Variants in POLR3F observed in about 807,000 individuals in gnomAD.
The protein encoded by POLR3F is DNA-directed RNA polymerase III subunit RPC6.
Under a neutral mutation model 43.6 loss-of-function variants are expected in POLR3F, and 31 were observed. The ratio of observed to expected loss-of-function variants is 0.71; its 90% CI spans 0.53 to 0.96. The LOEUF (loss-of-function observed/expected upper bound fraction) is 0.96, where lower values mean the gene tolerates loss of function less well. POLR3F is among the 40% of genes least tolerant of loss of function. The probability of loss-of-function intolerance (pLI) is 0.00; values close to 1 mark genes in which losing one functional copy is unlikely to be tolerated. For missense variants in POLR3F, 316 were observed against 391.7 expected, an observed-to-expected ratio of 0.81 and a Z score of 1.63; for synonymous variants, 114 against 132.5, an observed-to-expected ratio of 0.86 and a Z score of 0.96.
chr20:18,484,530 A>G lies in POLR3F; in HGVS notation c.*972A>G, dbSNP rs989609171. ...TTCTGCCATGTGAAAGGGAGAAGAC[A>G]AACATCCACGAACCAGGAAGTGGGT... On this transcript the variant is annotated 3_prime_UTR_variant, in exon 9 of 9. Transcript: ENST00000377603. 1.2e-5 allele frequency: 2 copies of G among 169,016 alleles called. No homozygotes were observed. Among genetic ancestry groups the G allele is most frequent in the Non-Finnish European group, 2.5e-5 (2 of 79,554 alleles). The allele number at this position is 169,016 out of a possible 1,614,324, so 10.5% of individuals were successfully genotyped here.
In POLR3F at chr20:18,481,741, A is replaced by T. The variant is rs1568582302; in HGVS notation, c.804A>T (p.Lys268Asn). 2 of 1,613,266 alleles carry T rather than the reference A, an allele frequency of 1.2e-6. No homozygotes were observed. Among genetic ancestry groups the T allele is most frequent in the African/African-American group, 2.7e-5 (2 of 74,882 alleles). The change falls in exon 8 of 9, where the codon AAA (lysine) becomes AAT (asparagine). Residue 268 changes from lysine to asparagine, a missense_variant. Around this residue, in one of 3 missense-constraint regions of POLR3F, gnomAD observed 85 missense variants for 80.2 expected, o/e 1.06. Coordinates refer to ENST00000377603, the MANE Select transcript of POLR3F (RefSeq NM_006466.4). The part of the protein sequence containing the change: ...GTVGSVDGHM[K>N]LYRAVNPIIP... ...TTGGCAGTGTAGATGGACACATGAA[A>T]CTGTACAGGGCAGTCAATCCAATCA... is the stretch of plus-strand genomic sequence containing the variant.
chr20:18,484,303 G>T lies in POLR3F; in HGVS notation c.*745G>T. ...TTTAACTCAAATGTATTCTTTGTTA[G>T]AATTTACCCTAGATTCTTATTTAAT... On this transcript the variant is annotated 3_prime_UTR_variant, in exon 9 of 9. Coordinates refer to ENST00000377603, the MANE Select transcript of POLR3F (RefSeq NM_006466.4). The T allele has an allele frequency of 2.5e-6, 1 of 395,158 alleles. No homozygotes were observed. Among genetic ancestry groups the T allele is most frequent in the South Asian group, 1.4e-4 (1 of 7,094 alleles). The allele number at this position is 395,158 out of a possible 1,614,324, so 24.5% of individuals were successfully genotyped here. A position where few individuals can be genotyped will look rare whatever the true frequency, so the allele number is the denominator to read the frequency against.
Position 18,475,162 on chromosome 20 carries a change from T to G in POLR3F, c.404T>G (p.Leu135Arg). 1 of 1,485,012 alleles carries G rather than the reference T, an allele frequency of 6.7e-7. No homozygotes were observed. The highest frequency in any genetic ancestry group is 9.4e-7 in the Non-Finnish European group (1 of 1,063,958). 92.0% of individuals were successfully genotyped at this position (1,485,012 alleles called of 1,614,324 possible). Residue 135 changes from leucine to arginine, a missense_variant, in exon 5 of 9, where the codon CTT (leucine) becomes CGT (arginine). By Grantham distance (102) the Leu-to-Arg change is moderately radical (BLOSUM62 -2). Coordinates refer to ENST00000377603, the MANE Select transcript of POLR3F (RefSeq NM_006466.4). The stretch of plus-strand genomic sequence containing the variant: ...CTGAAGAATCTGGAAAGTAAAAAGC[T>G]TATCAAAGCTGTTAAGTCTGTAGCA... ...KILKNLESKKLIKAVKSVAAS... is the reference protein window; with the variant it reads ...KILKNLESKKRIKAVKSVAAS...
At chr20:18,479,178 A>C (rs1292063913) in intron 5 of POLR3F, among the ~76,000 whole-genome samples, 1 of 151,802 alleles carries the variant, frequency 6.6e-6, no homozygotes, top group African/African-American at 2.4e-5. Context: ...TGCTCTTGAC[A>C]TCTTGTAGTG....
chr20:18,479,965 C>G (rs928720291), intron 5 of POLR3F, 73 bp from the exon 6 acceptor site: 1 of 1,118,266 alleles, frequency 8.9e-7, no homozygotes, highest in Non-Finnish European at 1.3e-6. Context: ...TTAAACTGTT[C>G]CAAAATATAG....
intron 1 of POLR3F, among the ~76,000 whole-genome samples, chr20:18,468,612 GGCTTAACTTTGTCAT>G (rs544973383): frequency 4.7e-4 from 72 of 152,126 alleles, no homozygotes; most frequent in Non-Finnish European, 9.1e-4. Flanking sequence ...GCAGATTTAT[GGCTTAACTTTGTCAT>G]GCTTATTACA....
intron 8 of POLR3F, among the ~76,000 whole-genome samples, chr20:18,482,869 C>T (rs2059817793): frequency 6.6e-6 from 1 of 152,186 alleles, no homozygotes; most frequent in African/African-American, 2.4e-5. Flanking sequence ...GGTAGCTAAA[C>T]ATGAAACATT....
intron 2 of POLR3F, among the ~76,000 whole-genome samples, chr20:18,469,778 T>C (rs1161061352): frequency 4.6e-5 from 7 of 152,236 alleles, no homozygotes; most frequent in Non-Finnish European, 5.9e-5. Context: ...TAATTGCCAC[T>C]GCCATACATA....
chr20:18,480,930 T>C (rs2059806481), intron 7 of POLR3F, among the ~76,000 whole-genome samples: 1 of 152,236 alleles, frequency 6.6e-6, no homozygotes, highest in Non-Finnish European at 1.5e-5. Flanking sequence ...TTTAATTTCC[T>C]GGGCCTCAGA....
intron 5 of POLR3F, 25 bp from the exon 6 acceptor site, chr20:18,480,013 A>G (rs775861997): frequency 5.1e-6 from 8 of 1,561,698 alleles, no homozygotes; most frequent in South Asian, 4.8e-5. Flanking sequence ...TTATAAACAC[A>G]TGAACTGTGC....
intron 2 of POLR3F, among the ~76,000 whole-genome samples, chr20:18,470,372 A>T (rs188689907): frequency 6.9e-4 from 105 of 152,304 alleles, no homozygotes; most frequent in African/African-American, 2.5e-3. Context: ...GCCAGACAGT[A>T]TATGTTTTAG....
chr20:18,469,816 G>C (rs535175965), intron 2 of POLR3F, among the ~76,000 whole-genome samples: 2 of 152,300 alleles, frequency 1.3e-5, no homozygotes, highest in African/African-American at 4.8e-5. Context: ...CCTTCTGTTT[G>C]CTTCCTACTG....
At chr20:18,481,228 T>C (rs897858923) in intron 7 of POLR3F, among the ~76,000 whole-genome samples, 16 of 152,028 alleles carry the variant, frequency 1.1e-4, no homozygotes, top group African/African-American at 3.9e-4. Flanking sequence ...ACAGCAGAAT[T>C]ATGACCCTTT....
chr20:18,469,131 G>T, intron 2 of POLR3F, 70 bp downstream of exon 2: 1 of 780,040 alleles, frequency 1.3e-6, no homozygotes, highest in Non-Finnish European at 2.3e-6. Flanking sequence ...TTATGTAGTT[G>T]TGATGGTTAA....
At chr20:18,481,597 T>C in intron 7 of POLR3F, 22 bp from the exon 8 acceptor site, 7 of 1,529,386 alleles carry the variant, frequency 4.6e-6, no homozygotes, top group Non-Finnish European at 6.3e-6. Context: ...CTTGTGTCCT[T>C]TCTGATGTAT....
Position 18,483,557 on chromosome 20 carries a change from A to C in POLR3F, c.950A>C (p.Ter317SerextTer1). The C allele has an allele frequency of 7.2e-7, 1 of 1,390,546 alleles. No homozygotes were observed. The highest frequency in any genetic ancestry group is 9.9e-7 in the Non-Finnish European group (1 of 1,005,422). The allele number at this position is 1,390,546 out of a possible 1,614,324, so 86.1% of individuals were successfully genotyped here. A position where few individuals can be genotyped will look rare whatever the true frequency, so the allele number is the denominator to read the frequency against. The change falls in exon 9 of 9, where the codon TAA (stop) becomes TCA (serine). Residue 317 changes from the stop codon to serine, a stop_lost. Coordinates refer to ENST00000377603, the MANE Select transcript of POLR3F (RefSeq NM_006466.4). ...CIYMTEWLEF[*>S] ...TACATGACAGAGTGGCTCGAATTTT[A>C]ATAGAGAGCTATGAACTTTATTGAC... is the stretch of plus-strand genomic sequence containing the variant.
Position 18,480,440 on chromosome 20 carries a change from A to G in POLR3F, c.612A>G (p.Ile204Met). 1 of 1,612,516 alleles carries G rather than the reference A, an allele frequency of 6.2e-7. No homozygotes were observed. The highest frequency in any genetic ancestry group is 8.5e-7 in the Non-Finnish European group (1 of 1,178,572). The change falls in exon 7 of 9, where the codon ATA becomes ATG. Residue 204 changes from isoleucine (I) to methionine (M), a missense_variant. By Grantham distance (10) the Ile-to-Met change is conservative. Coordinates refer to ENST00000377603, the MANE Select transcript of POLR3F (RefSeq NM_006466.4). Reference sequence around the variant, plus strand: ...GAGAAAGCAAACAGAACCCAATGATACAAAGAAATAGTTCATTTGCCTCAT... The same window carrying G: ...GAGAAAGCAAACAGAACCCAATGATGCAAAGAAATAGTTCATTTGCCTCAT... ...TARESKQNPM[I>M]QRNSSFASSH...
intron 5 of POLR3F, 146 bp downstream of exon 5, chr20:18,475,333 T>C: frequency 2.0e-6 from 1 of 506,570 alleles, no homozygotes; most frequent in Non-Finnish European, 3.6e-6. Context: ...CTGCTTAGAC[T>C]TGTCCCTACA....
At chr20:18,479,951 C>A in intron 5 of POLR3F, 87 bp from the exon 6 acceptor site, 1 of 905,810 alleles carries the variant, frequency 1.1e-6, no homozygotes, top group Non-Finnish European at 1.7e-6. Flanking sequence ...TAATTTTGTA[C>A]ATCTTAAACT....
Sources: gnomAD v4.1 joint callset for allele counts (sites outside exome capture counted in the v4.1 genomes callset) on GRCh38, gnomAD v4.1.1 for gene constraint, gnomAD v4.1.1 regional missense constraint, MANE v1.5 for transcripts, NCBI Gene and HGNC (gene_info 2026-07-23, HGNC 2026-07-21) for gene names.